RSPO2: variants seen among roughly 807,000 people sequenced by gnomAD.
RSPO2 encodes R-spondin 2, also known as R-spondin-2.
Under a neutral mutation model 30.9 loss-of-function variants are expected in RSPO2, and 14 were observed. The ratio of observed to expected loss-of-function variants is 0.45; its 90% CI spans 0.30 to 0.71. The LOEUF is 0.71. Ranked by LOEUF, RSPO2 falls within the 30% of genes least tolerant of loss-of-function variation. RSPO2 has a pLI of 0.08. For missense variants in RSPO2, 264 were observed against 301.9 expected (o/e 0.87, Z 0.93); for synonymous variants, 107 against 96.4 (o/e 1.11, Z -0.64).
chr8:108,006,533 A>G (rs1457900912), intron 2 of RSPO2, among the ~76,000 whole-genome samples: 1 of 152,060 alleles, frequency 6.6e-6, no homozygotes, highest in Non-Finnish European at 1.5e-5. Flanking sequence ...GAAGATATTA[A>G]AATATAAGAC....
Position 107,900,922 on chromosome 8 carries a change from G to C in RSPO2, c.*153C>G, listed in dbSNP as rs1349465262. On this transcript the variant is annotated 3_prime_UTR_variant, in exon 6 of 6. Transcript: ENST00000276659. ...AAATCAAAGCATAAATAACACAGGGGCCATGCTGGTGGTGCTTCCTTTCAC... is the reference window on the plus strand; with the variant it reads ...AAATCAAAGCATAAATAACACAGGGCCCATGCTGGTGGTGCTTCCTTTCAC... 2.7e-6 allele frequency: 2 copies of C among 734,670 alleles called. No homozygotes were observed. Among genetic ancestry groups the C allele is most frequent in the Non-Finnish European group, 4.5e-6 (2 of 447,682 alleles). 45.5% of individuals were successfully genotyped at this position (734,670 alleles called of 1,614,324 possible).
intron 3 of RSPO2, among the ~76,000 whole-genome samples, chr8:107,982,378 A>G (rs924933525): frequency 6.6e-6 from 1 of 152,208 alleles, no homozygotes; most frequent in African/African-American, 2.4e-5. Context: ...TGAGGTAGAT[A>G]CTTCATAAAT....
intron 5 of RSPO2, among the ~76,000 whole-genome samples, chr8:107,936,459 C>T (rs745476476): frequency 3.3e-5 from 5 of 152,040 alleles, no homozygotes; most frequent in Admixed American, 6.6e-5. Context: ...CATTGTTATT[C>T]TGTTTTTTCT....
chr8:108,012,715 A>G (rs1304091515), intron 2 of RSPO2, among the ~76,000 whole-genome samples: 2 of 152,218 alleles, frequency 1.3e-5, no homozygotes, highest in Non-Finnish European at 2.9e-5. Context: ...AGTATGAGAA[A>G]CTACTAGTTC....
intron 2 of RSPO2, among the ~76,000 whole-genome samples, chr8:108,029,138 C>T (rs952933430): frequency 4.7e-5 from 6 of 127,354 alleles, no homozygotes; most frequent in Admixed American, 2.1e-4. Context: ...AAACTACAAC[C>T]AACCAGCCAA....
intron 2 of RSPO2, among the ~76,000 whole-genome samples, chr8:108,047,469 T>G (rs1350997170): frequency 6.6e-6 from 1 of 152,132 alleles, no homozygotes; most frequent in Non-Finnish European, 1.5e-5. Flanking sequence ...TTAACAAAAT[T>G]AAAGTTGTAG....
At chr8:108,015,330 T>C (rs1810851451) in intron 2 of RSPO2, among the ~76,000 whole-genome samples, 1 of 152,220 alleles carries the variant, frequency 6.6e-6, no homozygotes, top group Non-Finnish European at 1.5e-5. Flanking sequence ...TCTCACGTTC[T>C]AATCATATGT....
chr8:107,918,421 T>C (rs1300308706), intron 5 of RSPO2, among the ~76,000 whole-genome samples: 2 of 152,190 alleles, frequency 1.3e-5, no homozygotes, highest in Non-Finnish European at 2.9e-5. Flanking sequence ...TGGAATGATA[T>C]GCCTTCTTTA....
intron 3 of RSPO2, among the ~76,000 whole-genome samples, chr8:107,982,201 T>G: frequency 6.6e-6 from 1 of 152,118 alleles, no homozygotes. Flanking sequence ...ATTTCTGTAT[T>G]TGTTTACAGA....
chr8:108,074,513 T>C (rs543700348), intron 2 of RSPO2, among the ~76,000 whole-genome samples: 25 of 152,308 alleles, frequency 1.6e-4, no homozygotes, highest in African/African-American at 5.8e-4. Flanking sequence ...CCAATGCAAG[T>C]ATGCAAATTT....
At chr8:108,077,360 A>G (rs1031402) in intron 2 of RSPO2, among the ~76,000 whole-genome samples, 65,689 of 151,850 alleles carry the variant, frequency 0.43, 18,443 homozygotes, top group African/African-American at 0.81. Context: ...TTAGAGGAAC[A>G]GCAGCATGCT....
chr8:107,909,801 T>C (rs574618069), intron 5 of RSPO2, among the ~76,000 whole-genome samples: 1 of 152,344 alleles, frequency 6.6e-6, no homozygotes, highest in South Asian at 2.1e-4. Context: ...TTTTCTTACA[T>C]TTTAGCAAGA....
chr8:107,959,882 A>T (rs1286686757), intron 4 of RSPO2, among the ~76,000 whole-genome samples: 1 of 152,232 alleles, frequency 6.6e-6, no homozygotes, highest in Non-Finnish European at 1.5e-5. Context: ...TCATAGAAAA[A>T]TGTCAACTTT....
intron 3 of RSPO2, among the ~76,000 whole-genome samples, chr8:107,971,978 A>C (rs978799910): frequency 6.6e-5 from 10 of 152,118 alleles, no homozygotes; most frequent in African/African-American, 2.4e-4. Context: ...TCATGGTTTT[A>C]CCACTCTGTC....
chr8:107,977,651 G>A (rs1486466518), intron 3 of RSPO2, among the ~76,000 whole-genome samples: 1 of 152,132 alleles, frequency 6.6e-6, no homozygotes, highest in Non-Finnish European at 1.5e-5. Context: ...ACAAATTTGT[G>A]TGGGGTGGTC....
chr8:108,072,319 CT>C (rs34402426), intron 2 of RSPO2, among the ~76,000 whole-genome samples: 2,503 of 84,208 alleles, frequency 0.03, 6 homozygotes, highest in Non-Finnish European at 0.042. Flanking sequence ...TGGCAGAGAA[CT>C]TTTTTTTTTT....
intron 2 of RSPO2, among the ~76,000 whole-genome samples, chr8:108,067,414 T>C (rs907736621): frequency 1.3e-5 from 2 of 152,202 alleles, no homozygotes; most frequent in Non-Finnish European, 1.5e-5. Context: ...TGATGTAATA[T>C]CTGCGATTTT....
At chr8:107,983,955 GA>G in intron 3 of RSPO2, 2 of 967,202 alleles carry the variant, frequency 2.1e-6, no homozygotes, top group South Asian at 3.2e-5. Flanking sequence ...ATTCTGAAAG[GA>G]TTTATGAATA....
At chr8:108,075,156 G>A (rs185621389) in intron 2 of RSPO2, among the ~76,000 whole-genome samples, 1 of 151,906 alleles carries the variant, frequency 6.6e-6, no homozygotes, top group African/African-American at 2.4e-5. Context: ...ATCCTTTATT[G>A]CCCTTTTCTA....
Sources: allele counts gnomAD v4.1 joint callset (sites outside exome capture counted in the v4.1 genomes callset), GRCh38; gene constraint gnomAD v4.1.1; transcripts MANE v1.5; gene names NCBI Gene and HGNC (gene_info 2026-07-23, HGNC 2026-07-21).